Variants in LRP6 observed in about 807,000 individuals in gnomAD.
The protein encoded by LRP6 is low-density lipoprotein receptor-related protein 6.
A neutral mutation model predicts 184.1 loss-of-function variants in LRP6; 43 were observed. The observed-to-expected ratio is 0.23, with a 90% CI of 0.18 to 0.30. The LOEUF (loss-of-function observed/expected upper bound fraction) is 0.30. Among genes scored for constraint, LRP6 ranks in the 10% least tolerant of loss-of-function variants. The probability of loss-of-function intolerance (pLI) is 1.00; values close to 1 mark genes in which losing one functional copy is unlikely to be tolerated. For missense variants in LRP6, 1,571 were observed against 2,005.3 expected (o/e 0.78, Z 4.14); for synonymous variants, 719 against 684.9 (o/e 1.05, Z -0.78).
chr12:12,151,070 C>T, intron 12 of LRP6, 32 bp from the exon 13 acceptor site: 1 of 1,518,678 alleles, frequency 6.6e-7, no homozygotes, highest in Non-Finnish European at 9.1e-7. Flanking sequence ...AATCTGAAAT[C>T]TAGTTACCCT....
intron 1 of LRP6, among the ~76,000 whole-genome samples, chr12:12,260,296 T>C (rs775985429): frequency 2.7e-5 from 4 of 150,902 alleles, no homozygotes; most frequent in Non-Finnish European, 5.9e-5. Context: ...GAGAATGGCG[T>C]GAACCCGGGG....
chr12:12,128,639 A>G (rs980431675), intron 19 of LRP6, among the ~76,000 whole-genome samples: 13 of 152,236 alleles, frequency 8.5e-5, no homozygotes, highest in South Asian at 6.2e-4. Context: ...GTCATCTAGT[A>G]TAAGATAATA....
At chr12:12,129,075 G>GAA (rs1326717726) in intron 19 of LRP6, among the ~76,000 whole-genome samples, 1 of 152,184 alleles carries the variant, frequency 6.6e-6, no homozygotes, top group African/African-American at 2.4e-5. Flanking sequence ...GAAAATGTCA[G>GAA]AAAGTGTTCT....
chr12:12,132,206 AAAG>A (rs1203495632), intron 17 of LRP6, 149 bp from the exon 18 acceptor site: 3 of 680,544 alleles, frequency 4.4e-6, no homozygotes, highest in East Asian at 2.7e-5. Context: ...TCATCTATTC[AAAG>A]AAGAAATAAA....
chr12:12,217,159 A>G (rs1453646885), intron 2 of LRP6, among the ~76,000 whole-genome samples: 1 of 152,166 alleles, frequency 6.6e-6, no homozygotes, highest in Non-Finnish European at 1.5e-5. Context: ...CTTCATCTGT[A>G]TTTATAGCCG....
chr12:12,191,215 T>C (rs1315521749), intron 3 of LRP6, among the ~76,000 whole-genome samples: 2 of 152,192 alleles, frequency 1.3e-5, no homozygotes, highest in African/African-American at 4.8e-5. Flanking sequence ...CTTTAACCTA[T>C]TGTGAACTCT....
At chr12:12,233,468 AAAAAAAT>A (rs1171687889) in intron 2 of LRP6, among the ~76,000 whole-genome samples, 12 of 152,280 alleles carry the variant, frequency 7.9e-5, no homozygotes, top group South Asian at 2.1e-4. Context: ...ACTCCATCTC[AAAAAAAT>A]AAATGAATGA....
intron 1 of LRP6, among the ~76,000 whole-genome samples, chr12:12,256,599 G>A (rs1369138618): frequency 6.6e-6 from 1 of 152,120 alleles, no homozygotes; most frequent in African/African-American, 2.4e-5. Flanking sequence ...TTGAGGTCAG[G>A]AGGTCAAGAC....
chr12:12,160,427 A>G (rs1447291958), intron 10 of LRP6, among the ~76,000 whole-genome samples: 1 of 152,208 alleles, frequency 6.6e-6, no homozygotes, highest in Non-Finnish European at 1.5e-5. Context: ...CCTCAAAATA[A>G]GTTGCAGAAG....
intron 2 of LRP6, among the ~76,000 whole-genome samples, chr12:12,220,757 C>G (rs900372748): frequency 1.3e-5 from 2 of 151,988 alleles, no homozygotes; most frequent in African/African-American, 4.8e-5. Flanking sequence ...CGCCACCACA[C>G]CCGGTTAATT....
At chr12:12,250,767 C>T (rs1172075008) in intron 1 of LRP6, among the ~76,000 whole-genome samples, 1 of 151,796 alleles carries the variant, frequency 6.6e-6, no homozygotes, top group Non-Finnish European at 1.5e-5. Flanking sequence ...GGACTACAGG[C>T]GCCCAACACC....
rs777407637 is a variant in LRP6 at position 12,149,081 on chromosome 12, T to C, written c.3067A>G (p.Ile1023Val). The part of the protein sequence containing the change: ...EIQPYDLSID[I>V]YSRYIYWTCE... ...GTCCAGTAGATGTAGCGGCTGTAAA[T>C]ATCAATGCTGAGGTCATAGGGTTGT... The change falls in exon 14 of 23, where the codon ATT becomes GTT. Residue 1023 changes from isoleucine to valine, a missense_variant. Physicochemically the swap from Ile to Val is conservative, Grantham distance 29 (BLOSUM62 3). Around this residue, in one of 4 missense-constraint regions of LRP6, gnomAD observed 763 missense variants for 859.5 expected, o/e 0.89. Transcript: ENST00000261349. The C allele has an allele frequency of 2.5e-6, 4 of 1,614,022 alleles. No individual in the cohort carries two copies. Among genetic ancestry groups the C allele is most frequent in the East Asian group, 4.5e-5 (2 of 44,872 alleles).
chr12:12,119,971 A>AAAAC lies in LRP6; in HGVS notation c.*1151_*1154dup, dbSNP rs1198348557. On this transcript the variant is annotated 3_prime_UTR_variant, in exon 23 of 23. Coordinates refer to ENST00000261349, the MANE Select transcript of LRP6 (RefSeq NM_002336.3). Reference sequence around the variant, plus strand: ...GAACATATTTAAATGTTTTACTCAGAAAACAAACAAACAAACAAAATATAT... The same window carrying AAAAC: ...GAACATATTTAAATGTTTTACTCAGAAAACAAACAAACAAACAAACAAAATATAT... The AAAAC allele has an allele frequency of 1.5e-5, 2 of 130,364 alleles. No individual in the cohort carries two copies. The highest frequency in any genetic ancestry group is 3.2e-5 in the Non-Finnish European group (2 of 61,702). 8.1% of individuals were successfully genotyped at this position (130,364 alleles called of 1,614,324 possible).
Position 12,179,986 on chromosome 12 carries a change from A to G in LRP6, c.1374-5T>C, listed in dbSNP as rs546161279. Reference sequence around the variant, plus strand: ...CAGTCAGTCCAATACATGTACCTAGAGAAGTATACAAAAAATGAGCTAAAA... The same window carrying G: ...CAGTCAGTCCAATACATGTACCTAGGGAAGTATACAAAAAATGAGCTAAAA... On this transcript the variant is annotated splice_region_variant and splice_polypyrimidine_tract_variant and intron_variant, in intron 6 of 22. Coordinates refer to ENST00000261349, the MANE Select transcript of LRP6 (RefSeq NM_002336.3). 6.2e-6 allele frequency: 10 copies of G among 1,612,114 alleles called. No individual in the cohort carries two copies. The highest frequency in any genetic ancestry group is 8.5e-6 in the Non-Finnish European group (10 of 1,178,358).
intron 2 of LRP6, among the ~76,000 whole-genome samples, chr12:12,215,603 G>A (rs935682800): frequency 2.0e-5 from 3 of 151,572 alleles, no homozygotes; most frequent in African/African-American, 4.8e-5. Context: ...CGCCCGCCTC[G>A]GCCTCCCAAA....
Position 12,266,887 on chromosome 12 carries a change from C to G in LRP6, c.-152G>C, listed in dbSNP as rs1374536403. The stretch of plus-strand genomic sequence containing the variant: ...AGAAAGAAAGGGGCACGTCAAGGTT[C>G]CGCGCGCGCCGCCGCCGCCCTCTCT... On this transcript the variant is annotated 5_prime_UTR_variant, in exon 1 of 23. Transcript: ENST00000261349. 2 of 710,198 alleles carry G rather than the reference C, an allele frequency of 2.8e-6. No individual in the cohort carries two copies. The highest frequency in any genetic ancestry group is 4.9e-6 in the Non-Finnish European group (2 of 405,158). 44.0% of individuals were successfully genotyped at this position (710,198 alleles called of 1,614,324 possible). A position where few individuals can be genotyped will look rare whatever the true frequency, so the allele number is the denominator to read the frequency against.
intron 3 of LRP6, among the ~76,000 whole-genome samples, chr12:12,202,412 G>A (rs1202026256): frequency 1.3e-5 from 2 of 152,200 alleles, no homozygotes; most frequent in African/African-American, 2.4e-5. Flanking sequence ...GTGTGATGGC[G>A]TGTGCCTATA....
At chr12:12,176,372 G>A (rs939765924) in intron 7 of LRP6, among the ~76,000 whole-genome samples, 4 of 152,030 alleles carry the variant, frequency 2.6e-5, no homozygotes, top group African/African-American at 9.7e-5. Flanking sequence ...TGACAAGTAG[G>A]GAAAACAGAC....
chr12:12,123,020 T>C (rs76422777), intron 22 of LRP6, among the ~76,000 whole-genome samples: 1 of 150,780 alleles, frequency 6.6e-6, no homozygotes, highest in Non-Finnish European at 1.5e-5. Flanking sequence ...CATTTAAAAG[T>C]CCAAATACTT....
Sources: gnomAD v4.1 joint callset for allele counts (sites outside exome capture counted in the v4.1 genomes callset) on GRCh38, gnomAD v4.1.1 for gene constraint, gnomAD v4.1.1 regional missense constraint, MANE v1.5 for transcripts, NCBI Gene and HGNC (gene_info 2026-07-23, HGNC 2026-07-21) for gene names.